Variants in DIAPH2 observed in about 807,000 individuals in gnomAD.
DIAPH2 encodes protein diaphanous homolog 2.
DIAPH2 carries 35 observed loss-of-function variants against 92.7 expected under a neutral mutation model. That is an observed-to-expected ratio of 0.38 (90% CI 0.29 to 0.50). The LOEUF (loss-of-function observed/expected upper bound fraction) is 0.50. DIAPH2 is among the 20% of genes least tolerant of loss of function. The pLI is 0.94. For missense variants in DIAPH2, 701 were observed against 819.5 expected (o/e 0.86, Z 1.77); for synonymous variants, 301 against 280.4 (o/e 1.07, Z -0.73).
intron 22 of DIAPH2, among the ~76,000 whole-genome samples, chrX:97,233,627 T>C (rs780152761): frequency 2.3e-3 from 261 of 111,913 alleles, no homozygotes; most frequent in African/African-American, 8.0e-3. Context: ...GAGAATTTCA[T>C]TTGGACTCCT....
intron 23 of DIAPH2, among the ~76,000 whole-genome samples, chrX:97,266,970 T>C (rs1301631926): frequency 2.7e-5 from 3 of 111,819 alleles, no homozygotes; most frequent in African/African-American, 9.7e-5. Flanking sequence ...TCCTTTACTG[T>C]GGTTAAGACT....
chrX:96,798,267 A>G (rs1602516038), intron 4 of DIAPH2, among the ~76,000 whole-genome samples: 1 of 111,807 alleles, frequency 8.9e-6, no homozygotes, highest in African/African-American at 3.2e-5. Context: ...TATATTGTCC[A>G]TATGTCACTG....
intron 4 of DIAPH2, among the ~76,000 whole-genome samples, chrX:96,777,412 T>C (rs942669560): frequency 3.1e-4 from 34 of 108,531 alleles, no homozygotes; most frequent in African/African-American, 1.1e-3. Flanking sequence ...ATGGGAATAA[T>C]TTGGAAAAAA....
At chrX:96,905,540 G>T (rs1213544913) in intron 5 of DIAPH2, among the ~76,000 whole-genome samples, 1 of 111,115 alleles carries the variant, frequency 9.0e-6, no homozygotes, top group Non-Finnish European at 1.9e-5. Context: ...TAGATTTAGG[G>T]TTAATTGAAT....
At chrX:97,176,461 A>C (rs2067491816) in intron 22 of DIAPH2, among the ~76,000 whole-genome samples, 2 of 112,031 alleles carry the variant, frequency 1.8e-5, no homozygotes, top group Non-Finnish European at 3.8e-5. Flanking sequence ...GGCACTGTCA[A>C]ATACAGTTGT....
At chrX:97,298,819 C>A (rs959776643) in intron 23 of DIAPH2, among the ~76,000 whole-genome samples, 3 of 110,019 alleles carry the variant, frequency 2.7e-5, no homozygotes, top group African/African-American at 6.6e-5. Context: ...GGGGTTTCAC[C>A]GTGTCAGCCT....
chrX:97,137,301 A>ATATATATG (rs1555989252), intron 21 of DIAPH2, among the ~76,000 whole-genome samples: 1 of 93,122 alleles, frequency 1.1e-5, no homozygotes, highest in Non-Finnish European at 2.1e-5. Context: ...ATATATATAT[A>ATATATATG]TGTATAGAAT....
intron 25 of DIAPH2, among the ~76,000 whole-genome samples, chrX:97,411,267 G>T (rs1231416653): frequency 8.9e-6 from 1 of 111,972 alleles, no homozygotes; most frequent in East Asian, 2.8e-4. Flanking sequence ...TTAAAGAAAA[G>T]AATTTTCAAC....
chrX:96,951,299 A>G (rs1453992910), intron 15 of DIAPH2, among the ~76,000 whole-genome samples: 1 of 111,749 alleles, frequency 8.9e-6, no homozygotes, highest in Non-Finnish European at 1.9e-5. Flanking sequence ...TCATTAAGAC[A>G]TCTTTTGGAA....
chrX:96,887,063 C>A lies in DIAPH2; in HGVS notation c.587+5345C>A, dbSNP rs780171917. Among the ~76,000 whole-genome samples, 8 of 110,758 alleles carry A rather than the reference C, an allele frequency of 7.2e-5. No homozygotes were observed. In the East Asian group the frequency reaches 2.3e-3, roughly 32 times the overall value. ...CTGTGTTCGTTGGGGTTTTTTTAGG[C>A]TTTTAAAATTACTCCTCCCAACGCT... On this transcript the variant is annotated intron_variant, in intron 5 of 26. Transcript: ENST00000324765.
intron 4 of DIAPH2, among the ~76,000 whole-genome samples, chrX:96,787,873 T>C (rs867989544): frequency 9.4e-6 from 1 of 105,859 alleles, no homozygotes; most frequent in Non-Finnish European, 1.9e-5. Flanking sequence ...TTCTTTTTTT[T>C]TTTTATTTTT....
intron 5 of DIAPH2, chrX:96,884,572 A>G (rs1222876130): frequency 8.3e-7 from 1 of 1,211,009 alleles, no homozygotes; most frequent in Non-Finnish European, 1.1e-6. Flanking sequence ...GAAGGCTTCA[A>G]ATCACATTTG....
At chrX:97,526,286 T>C (rs2071023655) in intron 26 of DIAPH2, among the ~76,000 whole-genome samples, 1 of 111,510 alleles carries the variant, frequency 9.0e-6, no homozygotes, top group South Asian at 3.8e-4. Context: ...GATTGCTCTA[T>C]ACAGAAGATT....
At chrX:97,438,351 G>GTTTTTTTTTTTTTT (rs1569397496) in intron 26 of DIAPH2, among the ~76,000 whole-genome samples, 3 of 51,337 alleles carry the variant, frequency 5.8e-5, no homozygotes, top group African/African-American at 1.6e-4. Context: ...TTTTTTTTTT[G>GTTTTTTTTTTTTTT]TTTGTTTGTT....
chrX:97,280,422 G>A (rs890585275), intron 23 of DIAPH2, among the ~76,000 whole-genome samples: 2 of 110,980 alleles, frequency 1.8e-5, no homozygotes, highest in African/African-American at 6.6e-5. Context: ...GCAGTGAGCC[G>A]AGATCGTGCC....
At chrX:96,948,708 G>T (rs1251543540) in intron 14 of DIAPH2, among the ~76,000 whole-genome samples, 1 of 110,854 alleles carries the variant, frequency 9.0e-6, no homozygotes, top group Non-Finnish European at 1.9e-5. Flanking sequence ...TTTTTTTTCA[G>T]AAGTGAAAAT....
chrX:97,371,630 A>G (rs770131620), intron 24 of DIAPH2, among the ~76,000 whole-genome samples: 12 of 111,437 alleles, frequency 1.1e-4, no homozygotes, highest in Non-Finnish European at 1.7e-4. Context: ...CTGTGAGTCT[A>G]TAATTCTACT....
chrX:97,428,485 C>T lies in DIAPH2; in HGVS notation c.3146-1165C>T, dbSNP rs762869753. Among the ~76,000 whole-genome samples the T allele has an allele frequency of 8.3e-5, 8 of 95,901 alleles. No individual in the cohort carries two copies. In the South Asian group the frequency reaches 2.9e-3, roughly 35 times the overall value. 83.3% of individuals were successfully genotyped at this position (95,901 alleles called of 115,157 possible). Reference sequence around the variant, plus strand: ...CAGAGGTTGTGGTGAGCCAAGATCACGATCACGCCATTGCACTCCAGCTTG... The same window carrying T: ...CAGAGGTTGTGGTGAGCCAAGATCATGATCACGCCATTGCACTCCAGCTTG... On this transcript the variant is annotated intron_variant, in intron 25 of 26. Coordinates refer to ENST00000324765, the MANE Select transcript of DIAPH2 (RefSeq NM_006729.5).
intron 22 of DIAPH2, among the ~76,000 whole-genome samples, chrX:97,175,717 G>C (rs997325905): frequency 3.6e-5 from 4 of 112,064 alleles, no homozygotes; most frequent in Non-Finnish European, 5.6e-5. Flanking sequence ...CTGATGATTT[G>C]CAGTAAAATA....
Sources: gnomAD v4.1 joint callset for allele counts (sites outside exome capture counted in the v4.1 genomes callset) on GRCh38, gnomAD v4.1.1 for gene constraint, MANE v1.5 for transcripts, NCBI Gene and HGNC (gene_info 2026-07-23, HGNC 2026-07-21) for gene names.